The following ZNF875 variants were observed in gnomAD, a reference collection of about 807,000 sequenced individuals.
ZNF875 encodes the protein HKR1, GLI-Kruppel zinc finger family member.
In ZNF875, 14 loss-of-function variants were observed where a neutral mutation model predicts 11.2. The ratio of observed to expected loss-of-function variants is 1.26; its 90% confidence interval spans 0.83 to 1.96. The LOEUF is 1.96. Ranked by LOEUF, ZNF875 falls within the 30% of genes most tolerant of loss-of-function variation. The pLI is 0.00. For synonymous variants in ZNF875, 301 were observed against 281.1 expected, an observed-to-expected ratio of 1.07 and a Z score of -0.71; for missense variants, 752 against 760.4, an observed-to-expected ratio of 0.99 and a Z score of 0.13.
chr19:37,352,632 A>G (rs558111768), intron 4 of ZNF875, among the ~76,000 whole-genome samples: 17 of 152,148 alleles, frequency 1.1e-4, no homozygotes, highest in Non-Finnish European at 1.5e-5. Flanking sequence ...CTTTGTATTT[A>G]AAATGAGTCT....
intron 2 of ZNF875, chr19:37,344,897 G>T (rs749822463): frequency 1.3e-5 from 9 of 701,608 alleles, no homozygotes; most frequent in Non-Finnish European, 1.9e-5. Context: ...TCACAACAGG[G>T]ACTAGGCAGA....
intron 2 of ZNF875, among the ~76,000 whole-genome samples, chr19:37,341,019 A>T (rs759630046): frequency 1.6e-4 from 24 of 152,210 alleles, no homozygotes; most frequent in Non-Finnish European, 2.6e-4. Flanking sequence ...AAATAAAAGT[A>T]GGTCAGGTCA....
upstream of ZNF875, chr19:37,317,906 A>C (rs1346126318): frequency 6.5e-6 from 1 of 153,744 alleles, no homozygotes; most frequent in Non-Finnish European, 1.5e-5. Flanking sequence ...AGCCCGGCAC[A>C]GGCTGGGTCT....
At chr19:37,337,917 G>A (rs2034849055) in intron 2 of ZNF875, among the ~76,000 whole-genome samples, 1 of 152,184 alleles carries the variant, frequency 6.6e-6, no homozygotes, top group African/African-American at 2.4e-5. Flanking sequence ...CAAGAAATCT[G>A]AGTGGAATTT....
Position 37,335,212 on chromosome 19 carries a change from G to A in ZNF875, c.-13G>A. ...TGCCCTTCTCCAGGAAGAGCACTCA[G>A]GAGACCAGGAAAATGGCCACAGGGC... On this transcript the variant is annotated 5_prime_UTR_variant, in exon 2 of 5. Transcript: ENST00000392153. 4.3e-6 allele frequency: 3 copies of A among 702,506 alleles called. No homozygotes were observed. Among genetic ancestry groups the A allele is most frequent in the Non-Finnish European group, 7.8e-6 (3 of 384,658 alleles). The allele number at this position is 702,506 out of a possible 1,614,324, so 43.5% of individuals were successfully genotyped here.
intron 2 of ZNF875, among the ~76,000 whole-genome samples, chr19:37,340,644 C>CTTTTTTTTTTTTTTTTT (rs386388968): frequency 9.5e-6 from 1 of 104,716 alleles, no homozygotes; most frequent in Non-Finnish European, 1.8e-5. Context: ...CTTATGTGTA[C>CTTTTTTTTTTTTTTTTT]TTTTTTTTTT....
chr19:37,347,207 G>C lies in ZNF875; in HGVS notation c.51G>C (p.Arg17Ser), dbSNP rs761768102. 1.2e-6 allele frequency: 2 copies of C among 1,614,012 alleles called. No homozygotes were observed. Among genetic ancestry groups the C allele is most frequent in the African/African-American group, 2.7e-5 (2 of 74,916 alleles). The change falls in exon 3 of 5, where the codon AGG (arginine) becomes AGC (serine). Residue 17 changes from arginine to serine, a missense_variant. By Grantham distance (110) the Arg-to-Ser change is moderately radical. Transcript: ENST00000392153. ...RAKKEAFVAF[R>S]DVAVYFTQEE... ...TGTTAAAGGCGTTCGTGGCATTCAG[G>C]GATGTGGCTGTGTACTTCACCCAGG...
chr19:37,317,179 G>GTTTGT (rs2030272923), upstream of ZNF875: 1 of 59,018 alleles, frequency 1.7e-5, no homozygotes, highest in South Asian at 8.4e-4. Flanking sequence ...TACTAACCTG[G>GTTTGT]TTTTTTTTTT....
At chr19:37,350,049 C>G (rs983898426) in intron 4 of ZNF875, among the ~76,000 whole-genome samples, 3 of 142,342 alleles carry the variant, frequency 2.1e-5, no homozygotes, top group Non-Finnish European at 4.5e-5. Context: ...ACTGCAACCT[C>G]CGCCTATCAG....
In ZNF875 at chr19:37,363,760, G is replaced by A; in HGVS notation, c.1908G>A (p.Arg636=). 1 of 1,613,896 alleles carries A rather than the reference G, an allele frequency of 6.2e-7. No individual in the cohort carries two copies. Residue 636 remains arginine, a synonymous_variant, in exon 5 of 5, where the codon AGG becomes AGA. Transcript: ENST00000392153. ...AGTCCAACCTTATCAGACATCAGAG[G>A]ACACACTCAGGATAGAAACTTTATG... ...SRKSNLIRHQ[R]THSG
chr19:37,322,012 A>G (rs2031573695), intron 1 of ZNF875, among the ~76,000 whole-genome samples: 1 of 152,218 alleles, frequency 6.6e-6, no homozygotes, highest in Non-Finnish European at 1.5e-5. Context: ...CCCGTATGTT[A>G]GAACGGTCCT....
upstream of ZNF875, among the ~76,000 whole-genome samples, chr19:37,333,362 A>C (rs1456682076): frequency 3.3e-5 from 5 of 151,706 alleles, no homozygotes. Flanking sequence ...AGCATTCTAC[A>C]TTTATAGATA....
At chr19:37,315,711 C>T (rs991715081), upstream of ZNF875, 1 of 152,028 alleles carries the variant, frequency 6.6e-6, no homozygotes, top group African/African-American at 2.4e-5. Context: ...GGCCAAGTAA[C>T]TCACCAGACC....
chr19:37,359,409 C>CTT (rs71177443), intron 4 of ZNF875: 799 of 188,592 alleles, frequency 4.2e-3, no homozygotes, highest in South Asian at 0.016. Flanking sequence ...ATAGTCTTTT[C>CTT]TTTTTTTTTT....
intron 2 of ZNF875, among the ~76,000 whole-genome samples, chr19:37,342,538 G>C (rs999236826): frequency 6.6e-6 from 1 of 151,022 alleles, no homozygotes; most frequent in African/African-American, 2.4e-5. Context: ...TCAGCCTCCC[G>C]AGTAGCTGGG....
chr19:37,348,428 G>A (rs528004251), intron 4 of ZNF875, among the ~76,000 whole-genome samples: 66 of 152,006 alleles, frequency 4.3e-4, no homozygotes, highest in Non-Finnish European at 8.5e-4. Flanking sequence ...TCAGTATTAG[G>A]GATTTGTAAT....
In ZNF875 at chr19:37,362,797, T is replaced by C; in HGVS notation, c.945T>C (p.Cys315=). The C allele has an allele frequency of 6.2e-7, 1 of 1,612,660 alleles. No homozygotes were observed. The change falls in exon 5 of 5, where the codon TGT becomes TGC. Residue 315 remains cysteine, a synonymous_variant. Coordinates refer to ENST00000392153, the MANE Select transcript of ZNF875 (RefSeq NM_001353803.2). ...SGEKPYVCKD[C]GRGFTWKSNL... is the part of the protein sequence containing the mutation. ...AGAAACCTTATGTGTGCAAGGATTGTGGACGAGGCTTTACTTGGAAGTCGA... is the reference window on the plus strand; with the variant it reads ...AGAAACCTTATGTGTGCAAGGATTGCGGACGAGGCTTTACTTGGAAGTCGA...
Position 37,363,141 on chromosome 19 carries a change from A to T in ZNF875, c.1289A>T (p.His430Leu), listed in dbSNP as rs1440564718. The change falls in exon 5 of 5, where the codon CAC becomes CTC. Residue 430 changes from histidine to leucine, a missense_variant. Transcript: ENST00000392153. ...KPYVCTECGR[H>L]FSWKSNLKTH... ...TATGTATGCACAGAATGTGGGCGTC[A>T]CTTTAGCTGGAAATCAAACCTCAAA... is the stretch of plus-strand genomic sequence containing the variant. 2 of 1,611,780 alleles carry T rather than the reference A, an allele frequency of 1.2e-6. No individual in the cohort carries two copies. Among genetic ancestry groups the T allele is most frequent in the African/African-American group, 2.7e-5 (2 of 74,204 alleles).
At chr19:37,328,362 T>C (rs956311780) in intron 4 of ZNF875, among the ~76,000 whole-genome samples, 49 of 152,200 alleles carry the variant, frequency 3.2e-4, no homozygotes, top group African/African-American at 1.0e-3. Flanking sequence ...GTTCATGTGT[T>C]GGAAACTCAA....
Sources: gnomAD v4.1 joint callset for allele counts (sites outside exome capture counted in the v4.1 genomes callset) on GRCh38, gnomAD v4.1.1 for gene constraint, MANE v1.5 for transcripts, NCBI Gene and HGNC (gene_info 2026-07-23, HGNC 2026-07-21) for gene names.